Variants in FAF1 observed in about 807,000 individuals in gnomAD.
FAF1 encodes the protein FAS-associated factor 1.
Under a neutral mutation model 92.5 loss-of-function variants are expected in FAF1, and 25 were observed. The observed-to-expected ratio is 0.27, with a 90% CI of 0.20 to 0.38. The LOEUF is 0.38. Ranked by LOEUF, FAF1 falls within the 10% of genes least tolerant of loss-of-function variation. The pLI is 1.00. For synonymous variants in FAF1, 234 were observed against 273.2 expected (o/e 0.86, Z 1.42); for missense variants, 636 against 793.3 (o/e 0.80, Z 2.38).
intron 4 of FAF1, among the ~76,000 whole-genome samples, chr1:50,755,611 G>A (rs1036020298): frequency 2.6e-5 from 4 of 152,202 alleles, no homozygotes; most frequent in African/African-American, 9.6e-5. Context: ...GGGACTCTGT[G>A]TGGGGGCTCT....
chr1:50,519,374 GGGAGGGAGGGAGGGAGGGAGGGAA>G (rs1294100591), intron 15 of FAF1, among the ~76,000 whole-genome samples: 1 of 60,642 alleles, frequency 1.6e-5, no homozygotes, highest in African/African-American at 5.7e-5. Context: ...GAAGGAAGGA[GGGAGGGAGGGAGGGAGGGAGGGAA>G]GGAGGGAGGG....
chr1:50,680,158 T>C (rs1259462037), intron 7 of FAF1, among the ~76,000 whole-genome samples: 2 of 152,170 alleles, frequency 1.3e-5, no homozygotes, highest in Non-Finnish European at 2.9e-5. Context: ...GTATAACAGA[T>C]TGATAATAGA....
intron 8 of FAF1, among the ~76,000 whole-genome samples, chr1:50,637,295 A>AT (rs397860409): frequency 6.8e-6 from 1 of 145,992 alleles, no homozygotes; most frequent in Non-Finnish European, 1.5e-5. Context: ...AAAAAAAAAA[A>AT]TACAAAAATT....
chr1:50,893,563 G>A (rs762677811), intron 1 of FAF1, among the ~76,000 whole-genome samples: 17 of 152,084 alleles, frequency 1.1e-4, no homozygotes, highest in Admixed American at 5.9e-4. Flanking sequence ...TCTCTGTACT[G>A]AGTTGCTTGG....
intron 1 of FAF1, among the ~76,000 whole-genome samples, chr1:50,866,591 T>C (rs888464740): frequency 3.3e-5 from 5 of 151,530 alleles, no homozygotes; most frequent in Non-Finnish European, 5.9e-5. Flanking sequence ...CCCTTTAAAA[T>C]AGCTGCAAAA....
intron 1 of FAF1, among the ~76,000 whole-genome samples, chr1:50,940,191 C>T (rs1025312003): frequency 4.6e-5 from 7 of 152,108 alleles, no homozygotes; most frequent in Non-Finnish European, 1.5e-5. Flanking sequence ...GGATTACAGG[C>T]GTCGAGCCAC....
At chr1:50,938,199 G>A (rs1380377574) in intron 1 of FAF1, among the ~76,000 whole-genome samples, 2 of 152,166 alleles carry the variant, frequency 1.3e-5, no homozygotes, top group African/African-American at 4.8e-5. Flanking sequence ...AGCAATTGTG[G>A]AAAATAACTA....
chr1:50,683,484 G>A (rs955523805), intron 7 of FAF1, among the ~76,000 whole-genome samples: 1 of 150,334 alleles, frequency 6.7e-6, no homozygotes, highest in Non-Finnish European at 1.5e-5. Flanking sequence ...CCGAAATCGC[G>A]CCACTGCACT....
At chr1:50,465,318 G>A (rs1646481014) in intron 18 of FAF1, among the ~76,000 whole-genome samples, 1 of 152,136 alleles carries the variant, frequency 6.6e-6, no homozygotes, top group Non-Finnish European at 1.5e-5. Flanking sequence ...AATCTCATAG[G>A]GTTGTTGTAA....
At chr1:50,543,539 C>A (rs1199756203) in intron 13 of FAF1, among the ~76,000 whole-genome samples, 2 of 152,148 alleles carry the variant, frequency 1.3e-5, no homozygotes, top group East Asian at 1.9e-4. Flanking sequence ...AGTTAAGATA[C>A]AGAAAACACT....
intron 5 of FAF1, among the ~76,000 whole-genome samples, chr1:50,739,224 GTATATGCATACA>G (rs1659266439): frequency 6.6e-6 from 1 of 151,684 alleles, no homozygotes; most frequent in Non-Finnish European, 1.5e-5. Flanking sequence ...TTTTATATAT[GTATATGCATACA>G]TATATATGTG....
chr1:50,738,775 A>C (rs535565889), intron 6 of FAF1, 88 bp downstream of exon 6: 3 of 811,470 alleles, frequency 3.7e-6, no homozygotes, highest in South Asian at 3.2e-5. Context: ...CTTGTATTTG[A>C]TTTAATTTTG....
chr1:50,707,959 G>A (rs1178963496), intron 6 of FAF1, among the ~76,000 whole-genome samples: 2 of 152,030 alleles, frequency 1.3e-5, no homozygotes, highest in South Asian at 2.1e-4. Context: ...AGCTGCGTGC[G>A]CCACCACGCC....
intron 12 of FAF1, among the ~76,000 whole-genome samples, chr1:50,572,253 A>G (rs1417774915): frequency 6.6e-6 from 1 of 152,166 alleles, no homozygotes; most frequent in African/African-American, 2.4e-5. Flanking sequence ...TCATTCTTTT[A>G]ATACTTCCCT....
intron 15 of FAF1, among the ~76,000 whole-genome samples, chr1:50,532,722 T>C (rs1339849719): frequency 1.9e-4 from 29 of 152,210 alleles, no homozygotes; most frequent in Admixed American, 1.6e-3. Flanking sequence ...TAAAACTCTA[T>C]AAACTAATTA....
chr1:50,621,313 C>A (rs944972647), intron 8 of FAF1, among the ~76,000 whole-genome samples: 1 of 151,280 alleles, frequency 6.6e-6, no homozygotes, highest in East Asian at 1.9e-4. Flanking sequence ...AATGGGCCTT[C>A]GCAGGAGCCA....
At chr1:50,659,354 GAAGAGAGGGAAGTGAGA>G (rs1655271216) in intron 7 of FAF1, among the ~76,000 whole-genome samples, 1 of 152,056 alleles carries the variant, frequency 6.6e-6, no homozygotes, top group African/African-American at 2.4e-5. Context: ...GGGAAAGAAA[GAAGAGAGGGAAGTGAGA>G]AAGAGAGGGG....
chr1:50,639,233 A>G (rs892271006), intron 8 of FAF1, among the ~76,000 whole-genome samples: 8 of 152,204 alleles, frequency 5.3e-5, no homozygotes, highest in Admixed American at 4.6e-4. Context: ...GGTTTTGTCT[A>G]CTATAAATAA....
At chr1:50,449,820 T>G (rs528406762) in intron 18 of FAF1, among the ~76,000 whole-genome samples, 1 of 152,146 alleles carries the variant, frequency 6.6e-6, no homozygotes, top group Non-Finnish European at 1.5e-5. Flanking sequence ...ATGAGTAATC[T>G]ATTCTATTAG....
Sources: gnomAD v4.1 joint callset for allele counts (sites outside exome capture counted in the v4.1 genomes callset) on GRCh38, gnomAD v4.1.1 for gene constraint, MANE v1.5 for transcripts, NCBI Gene and HGNC (gene_info 2026-07-23, HGNC 2026-07-21) for gene names.